SFI1: variants seen among roughly 807,000 people sequenced by gnomAD.
The protein encoded by SFI1 is SFI1 centrin binding protein.
Under a neutral mutation model 207.5 loss-of-function variants are expected in SFI1, and 195 were observed. The observed-to-expected ratio is 0.94, with a 90% CI of 0.84 to 1.06. The LOEUF (loss-of-function observed/expected upper bound fraction) is 1.06, where lower values mean the gene tolerates loss of function less well. SFI1 is among the 50% of genes least tolerant of loss of function. The pLI is 0.00. For missense variants in SFI1, 1,634 were observed against 1,588.0 expected (o/e 1.03, Z -0.49); for synonymous variants, 630 against 598.9 (o/e 1.05, Z -0.76).
intron 26 of SFI1, 24 bp downstream of exon 26, chr22:31,613,554 G>C (rs1269075245): frequency 6.3e-7 from 1 of 1,580,354 alleles, no homozygotes; most frequent in East Asian, 2.3e-5. Context: ...CCCTTCCTGT[G>C]GGGAGCAGGC....
At position 31,613,334 on chromosome 22, in the gene SFI1, A is replaced by AC; in HGVS notation, c.2566-18dup. ...CTCTAAGCAGGGAGACCTGGGCCTC[A>AC]CCTCCTGCCCTCCCTGGAGGTGTGG... On this transcript the variant is annotated intron_variant, in intron 25 of 32. Transcript: ENST00000400288. 1.2e-5 allele frequency: 19 copies of AC among 1,602,834 alleles called. No individual in the cohort carries two copies. Among genetic ancestry groups the AC allele is most frequent in the Non-Finnish European group, 1.6e-5 (19 of 1,172,856 alleles).
intron 3 of SFI1, among the ~76,000 whole-genome samples, chr22:31,529,789 C>G (rs761103121): frequency 6.6e-6 from 1 of 152,114 alleles, no homozygotes; most frequent in Non-Finnish European, 1.5e-5. Flanking sequence ...AGTTTAAGCT[C>G]AGCCCTGAAG....
intron 15 of SFI1, among the ~76,000 whole-genome samples, chr22:31,596,376 G>A (rs1603288245): frequency 6.6e-6 from 1 of 152,164 alleles, no homozygotes; most frequent in African/African-American, 2.4e-5. Flanking sequence ...ATGGTTTTAG[G>A]TGGTGGCCAC....
chr22:31,561,239 C>G lies in SFI1; in HGVS notation c.663-51C>G, dbSNP rs534061180. 15 of 1,552,132 alleles carry G rather than the reference C, an allele frequency of 9.7e-6. No individual in the cohort carries two copies. In the South Asian group the frequency reaches 1.5e-4, roughly 16 times the overall value. On this transcript the variant is annotated intron_variant, in intron 7 of 32. Transcript: ENST00000400288. ...CCCCACACTAACTGCTCCTCTCTTT[C>G]CTGAGTGGCTTTTTACTGATGGATT...
intron 21 of SFI1, 34 bp from the exon 22 acceptor site, chr22:31,607,903 A>C: frequency 6.2e-7 from 1 of 1,600,090 alleles, no homozygotes; most frequent in Non-Finnish European, 8.6e-7. Context: ...CAGGAGGTAT[A>C]GTGACTCTTG....
At chr22:31,518,249 C>T (rs900944665) in intron 2 of SFI1, among the ~76,000 whole-genome samples, 1 of 152,134 alleles carries the variant, frequency 6.6e-6, no homozygotes, top group Non-Finnish European at 1.5e-5. Context: ...CCCGCCTTGG[C>T]CTTCCAAAGT....
chr22:31,496,882 C>G (rs557557753), intron 1 of SFI1, among the ~76,000 whole-genome samples: 1 of 152,374 alleles, frequency 6.6e-6, no homozygotes, highest in Admixed American at 6.5e-5. Flanking sequence ...CGCGTCTTCT[C>G]GGCTTCTTGT....
At chr22:31,578,254 G>A in intron 10 of SFI1, 128 bp from the exon 11 acceptor site, 1 of 739,832 alleles carries the variant, frequency 1.4e-6, no homozygotes, top group Non-Finnish European at 2.1e-6. Context: ...AGTAGACAGA[G>A]GTGGACCTCA....
At chr22:31,589,354 A>T in intron 14 of SFI1, 93 bp from the exon 15 acceptor site, 1 of 1,126,434 alleles carries the variant, frequency 8.9e-7, no homozygotes, top group Non-Finnish European at 1.2e-6. Context: ...TTTATTATAT[A>T]GGAAGCAATC....
intron 15 of SFI1, among the ~76,000 whole-genome samples, chr22:31,594,012 G>GGGGC (rs2066647263): frequency 1.3e-4 from 5 of 37,824 alleles, no homozygotes; most frequent in Non-Finnish European, 1.5e-4. Context: ...GGGACAGGGA[G>GGGGC]AGGGAGAGGG....
intron 2 of SFI1, among the ~76,000 whole-genome samples, chr22:31,509,036 GATA>G (rs1207709398): frequency 3.3e-5 from 5 of 152,100 alleles, no homozygotes; most frequent in African/African-American, 4.8e-5. Flanking sequence ...CATTTATTGA[GATA>G]ATCATGTGGT....
rs1180444859 is a variant in SFI1 at position 31,583,859 on chromosome 22, T to C, written c.1249-16T>C. On this transcript the variant is annotated splice_polypyrimidine_tract_variant and intron_variant, in intron 12 of 32. Coordinates refer to ENST00000400288, the MANE Select transcript of SFI1 (RefSeq NM_001007467.3). Reference sequence around the variant, plus strand: ...TCATCTCAGTACATTTCCATCTTCTTCCTCCCTTGCTTTAGCTGCTGCACA... The same window carrying C: ...TCATCTCAGTACATTTCCATCTTCTCCCTCCCTTGCTTTAGCTGCTGCACA... 6.2e-7 allele frequency: 1 copy of C among 1,609,898 alleles called. No individual in the cohort carries two copies. Among genetic ancestry groups the C allele is most frequent in the Non-Finnish European group, 8.5e-7 (1 of 1,176,276 alleles).
intron 8 of SFI1, among the ~76,000 whole-genome samples, chr22:31,563,282 C>T (rs1180422507): frequency 6.6e-6 from 1 of 152,000 alleles, no homozygotes; most frequent in African/African-American, 2.4e-5. Context: ...CGTGAACCAC[C>T]GCGCCTGGCC....
intron 2 of SFI1, among the ~76,000 whole-genome samples, chr22:31,522,800 C>T (rs1027333321): frequency 6.6e-5 from 10 of 152,062 alleles, no homozygotes; most frequent in African/African-American, 1.7e-4. Flanking sequence ...GGACTACAGG[C>T]GTGTGCCACC....
chr22:31,502,672 C>T (rs1014185551), intron 1 of SFI1, among the ~76,000 whole-genome samples: 2 of 152,210 alleles, frequency 1.3e-5, no homozygotes, highest in Admixed American at 1.3e-4. Context: ...CTGCGCCCGG[C>T]CAGGTTCAAT....
At chr22:31,593,271 T>A (rs1440633601) in intron 15 of SFI1, among the ~76,000 whole-genome samples, 5 of 138,728 alleles carry the variant, frequency 3.6e-5, no homozygotes, top group South Asian at 2.5e-4. Context: ...GTCTCCTCAC[T>A]TCTCAGACGG....
At chr22:31,559,676 C>A (rs555057849) in intron 7 of SFI1, 2 of 763,638 alleles carry the variant, frequency 2.6e-6, no homozygotes, top group Non-Finnish European at 2.3e-6. Context: ...TGAGATGGAA[C>A]GTGTGATGAC....
intron 2 of SFI1, among the ~76,000 whole-genome samples, chr22:31,525,155 G>T (rs1240055546): frequency 1.3e-5 from 2 of 152,120 alleles, no homozygotes; most frequent in African/African-American, 4.8e-5. Context: ...CTGAGCAGAA[G>T]TTTTTGAGAT....
intron 15 of SFI1, 62 bp downstream of exon 15, chr22:31,589,639 C>T: frequency 6.5e-7 from 1 of 1,544,746 alleles, no homozygotes; most frequent in South Asian, 1.2e-5. Context: ...CTGACAACCA[C>T]ACAGCCCATT....
Sources: gnomAD v4.1 joint callset for allele counts (sites outside exome capture counted in the v4.1 genomes callset) on GRCh38, gnomAD v4.1.1 for gene constraint, MANE v1.5 for transcripts, NCBI Gene and HGNC (gene_info 2026-07-23, HGNC 2026-07-21) for gene names.